The following CX3CL1 variants were observed in gnomAD, a reference collection of about 807,000 sequenced individuals.
CX3CL1 encodes fractalkine.
Under a neutral mutation model 14.1 loss-of-function variants are expected in CX3CL1, and 1 was observed. The observed-to-expected ratio is 0.07, with a 90% CI of 0.03 to 0.34. CX3CL1 has a LOEUF of 0.34. Ranked by LOEUF, CX3CL1 falls within the 10% of genes least tolerant of loss-of-function variation. The pLI is 0.99. For missense variants in CX3CL1, 505 were observed against 536.4 expected, an observed-to-expected ratio of 0.94 and a Z score of 0.58; for synonymous variants, 255 against 229.6, an observed-to-expected ratio of 1.11 and a Z score of -1.00.
At chr16:57,377,072 G>C (rs1357868497) in intron 1 of CX3CL1, 1 of 152,296 alleles carries the variant, frequency 6.6e-6, no homozygotes, top group African/African-American at 2.4e-5. Context: ...GGACTTTGGA[G>C]ACAGGATGAC....
chr16:57,373,525 G>A (rs919461257), intron 1 of CX3CL1, among the ~76,000 whole-genome samples: 1 of 152,210 alleles, frequency 6.6e-6, no homozygotes, highest in Non-Finnish European at 1.5e-5. Flanking sequence ...CCCACCATCT[G>A]GCAGGGTGAC....
intron 1 of CX3CL1, among the ~76,000 whole-genome samples, chr16:57,376,492 G>GGATGGATGGA (rs1567553055): frequency 8.7e-6 from 1 of 114,948 alleles, no homozygotes; most frequent in African/African-American, 3.2e-5. Context: ...GGATGGATGG[G>GGATGGATGGA]TGGATAGATG....
rs143901565 is a variant in CX3CL1, at chr16:57,382,814, G to A, written c.976G>A (p.Val326Ile). 3.8e-4 allele frequency: 610 copies of A among 1,595,518 alleles called. 10 individuals are homozygous for A. The East Asian group carries it at 0.012, about 32-fold the overall frequency. Residue 326 changes from valine to isoleucine, a missense_variant, in exon 3 of 3, where the codon GTC becomes ATC. Physicochemically the swap from Val to Ile is conservative, Grantham distance 29. Coordinates refer to ENST00000006053, the MANE Select transcript of CX3CL1 (RefSeq NM_002996.6). The surrounding 1 kb of genome is among the most constrained non-coding windows in gnomAD (Gnocchi z 6.9). ...CACCATGGACCCCCAGAGGCTGGGC[G>A]TCCTTATCACTCCTGTCCCTGACGC... ...HATMDPQRLGVLITPVPDAQA... is the reference protein window; with the variant it reads ...HATMDPQRLGILITPVPDAQA...
intron 1 of CX3CL1, among the ~76,000 whole-genome samples, chr16:57,375,296 A>G (rs1375965299): frequency 6.6e-6 from 1 of 152,200 alleles, no homozygotes; most frequent in Non-Finnish European, 1.5e-5. Context: ...GGATATCTCT[A>G]GAGCAATGGT....
chr16:57,381,929 G>C lies in CX3CL1; in HGVS notation c.192-101G>C. ...GTGGGAGGACAGGGTTTCCAGCCGGGTGTGTTCACCTGCAGAGTATTGGTG... is the reference window on the plus strand; with the variant it reads ...GTGGGAGGACAGGGTTTCCAGCCGGCTGTGTTCACCTGCAGAGTATTGGTG... On this transcript the variant is annotated intron_variant, in intron 2 of 2. Transcript: ENST00000006053. 2.3e-6 allele frequency: 3 copies of C among 1,306,942 alleles called. No homozygotes were observed. In the African/African-American group the frequency reaches 4.5e-5, roughly 19 times the overall value. The allele number at this position is 1,306,942 out of a possible 1,614,324, so 81.0% of individuals were successfully genotyped here. A position where few individuals can be genotyped will look rare whatever the true frequency, so the allele number is the denominator to read the frequency against.
rs1235101945 is a variant in CX3CL1, at chr16:57,382,579, G to A, written c.741G>A (p.Val247=). The A allele has an allele frequency of 3.1e-6, 5 of 1,613,904 alleles. No homozygotes were observed. In the South Asian group the frequency reaches 5.5e-5, roughly 18 times the overall value. The change falls in exon 3 of 3, where the codon GTG becomes GTA. Residue 247 remains valine (V), a synonymous_variant. Coordinates refer to ENST00000006053, the MANE Select transcript of CX3CL1 (RefSeq NM_002996.6). This position sits in a 1 kb window ranked among gnomAD's most constrained non-coding sequence, Gnocchi z 6.9. ...EENAPSEGQR[V]WGQGQSPRPE... ...ATGCTCCGTCTGAAGGCCAGCGTGT[G>A]TGGGGTCAGGGACAGAGCCCCAGGC...
rs1440608739 is a variant in CX3CL1 at position 57,379,774 on chromosome 16, C to G, written c.191+20C>G. The G allele has an allele frequency of 6.2e-7, 1 of 1,613,748 alleles. No homozygotes were observed. Among genetic ancestry groups the G allele is most frequent in the African/African-American group, 1.3e-5 (1 of 75,042 alleles). On this transcript the variant is annotated intron_variant, in intron 2 of 2. Coordinates refer to ENST00000006053, the MANE Select transcript of CX3CL1 (RefSeq NM_002996.6). The stretch of plus-strand genomic sequence containing the variant: ...AATCATGTAGGTACTGCCCTCGAGG[C>G]CTCTGAAATCCCCTTTGGGCCCTTG...
chr16:57,373,389 A>T (rs753178480), intron 1 of CX3CL1, among the ~76,000 whole-genome samples: 4 of 152,212 alleles, frequency 2.6e-5, no homozygotes, highest in Non-Finnish European at 5.9e-5. Flanking sequence ...ACAGCCAGCA[A>T]GTAGGGCAGG....
rs573397329 is a variant in CX3CL1, at chr16:57,373,463, G to A, written c.70+825G>A. 5.3e-5 allele frequency among the ~76,000 whole-genome samples: 8 copies of A among 152,290 alleles called. No homozygotes were observed. In the South Asian group the frequency reaches 1.7e-3, roughly 32 times the overall value. On this transcript the variant is annotated intron_variant, in intron 1 of 2. Coordinates refer to ENST00000006053, the MANE Select transcript of CX3CL1 (RefSeq NM_002996.6). ...ACAGATGCACACTCACCACCTCTGTGGGCCACATCACCTCCATGAACCGCT... is the reference window on the plus strand; with the variant it reads ...ACAGATGCACACTCACCACCTCTGTAGGCCACATCACCTCCATGAACCGCT...
chr16:57,379,771 A>C lies in CX3CL1; in HGVS notation c.191+17A>C. ...CGCAATCATGTAGGTACTGCCCTCG[A>C]GGCCTCTGAAATCCCCTTTGGGCCC... On this transcript the variant is annotated intron_variant, in intron 2 of 2. Coordinates refer to ENST00000006053, the MANE Select transcript of CX3CL1 (RefSeq NM_002996.6). 1.2e-6 allele frequency: 2 copies of C among 1,614,036 alleles called. No homozygotes were observed. Among genetic ancestry groups the C allele is most frequent in the Non-Finnish European group, 1.7e-6 (2 of 1,179,870 alleles).
Position 57,383,029 on chromosome 16 carries a change from G to A in CX3CL1, c.1191G>A (p.Val397=). The change falls in exon 3 of 3, where the codon GTG becomes GTA. Residue 397 remains valine (V), a synonymous_variant. Transcript: ENST00000006053. Reference sequence around the variant, plus strand: ...GTAATTCATATGTCCTGGTGCCCGTGTGAACTCCTCTGGCCTGTGTCTAGT... The same window carrying A: ...GTAATTCATATGTCCTGGTGCCCGTATGAACTCCTCTGGCCTGTGTCTAGT... ...CGSNSYVLVP[V] The A allele has an allele frequency of 6.7e-7, 1 of 1,485,180 alleles. No individual in the cohort carries two copies. Among genetic ancestry groups the A allele is most frequent in the East Asian group, 2.4e-5 (1 of 42,520 alleles). 92.0% of individuals were successfully genotyped at this position (1,485,180 alleles called of 1,614,324 possible).
intron 2 of CX3CL1, among the ~76,000 whole-genome samples, chr16:57,381,506 G>T (rs912727009): frequency 2.0e-5 from 3 of 152,124 alleles, no homozygotes; most frequent in African/African-American, 7.2e-5. Flanking sequence ...CATAAGGCCT[G>T]TTCCAGAGTG....
chr16:57,380,830 G>A (rs867668191), intron 2 of CX3CL1, among the ~76,000 whole-genome samples: 4 of 152,162 alleles, frequency 2.6e-5, no homozygotes, highest in Non-Finnish European at 4.4e-5. Flanking sequence ...GCCTCAGCCA[G>A]ACCTAGAGGC....
At chr16:57,373,850 C>G (rs1902210488) in intron 1 of CX3CL1, among the ~76,000 whole-genome samples, 1 of 152,110 alleles carries the variant, frequency 6.6e-6, no homozygotes, top group South Asian at 2.1e-4. Context: ...TTAAATATAG[C>G]TATTACCTCT....
chr16:57,381,865 C>T (rs560945531), intron 2 of CX3CL1, among the ~76,000 whole-genome samples, 165 bp from the exon 3 acceptor site: 8 of 152,212 alleles, frequency 5.3e-5, no homozygotes, highest in East Asian at 3.9e-4. Flanking sequence ...CTCAGGAGAG[C>T]GGGTTGCCCC....
chr16:57,376,017 A>G (rs1360399584), intron 1 of CX3CL1, among the ~76,000 whole-genome samples: 1 of 152,198 alleles, frequency 6.6e-6, no homozygotes, highest in Non-Finnish European at 1.5e-5. Context: ...CTGCATCTGT[A>G]AAGTTGGGAT....
Position 57,382,987 on chromosome 16 carries a change from C to T in CX3CL1, c.1149C>T (p.Ile383=), listed in dbSNP as rs528984246. Residue 383 remains isoleucine, a synonymous_variant, in exon 3 of 3, where the codon ATC becomes ATT. Transcript: ENST00000006053. This position sits in a 1 kb window ranked among gnomAD's most constrained non-coding sequence, Gnocchi z 6.9. ...AGEMAEGLRY[I]PRSCGSNSYV... is the part of the protein sequence containing the mutation. ...AGATGGCGGAGGGCCTTCGCTACAT[C>T]CCCCGGAGCTGTGGTAGTAATTCAT... 3.8e-5 allele frequency: 57 copies of T among 1,501,304 alleles called. No homozygotes were observed. In the South Asian group the frequency reaches 5.9e-4, roughly 16 times the overall value. 93.0% of individuals were successfully genotyped at this position (1,501,304 alleles called of 1,614,324 possible).
intron 2 of CX3CL1, among the ~76,000 whole-genome samples, chr16:57,380,021 G>A (rs1038091804): frequency 6.6e-6 from 1 of 152,202 alleles, no homozygotes; most frequent in African/African-American, 2.4e-5. Context: ...CAGCCATGAA[G>A]GGTGGTAATT....
At position 57,382,160 on chromosome 16, in the gene CX3CL1, G is replaced by T. The variant is rs200051975; in HGVS notation, c.322G>T (p.Gly108Cys). Residue 108 changes from glycine (G) to cysteine (C), a missense_variant, in exon 3 of 3, where the codon GGC becomes TGC. Coordinates refer to ENST00000006053, the MANE Select transcript of CX3CL1 (RefSeq NM_002996.6). This position sits in a 1 kb window ranked among gnomAD's most constrained non-coding sequence, Gnocchi z 6.9. The stretch of plus-strand genomic sequence containing the variant: ...TGGCGGCACCTTCGAGAAGCAGATC[G>T]GCGAGGTGAAGCCCAGGACCACCCC... ...RNGGTFEKQI[G>C]EVKPRTTPAA... 10 of 1,613,712 alleles carry T rather than the reference G, an allele frequency of 6.2e-6. No individual in the cohort carries two copies. The highest frequency in any genetic ancestry group is 1.1e-5 in the South Asian group (1 of 91,080).
Sources: allele counts gnomAD v4.1 joint callset (sites outside exome capture counted in the v4.1 genomes callset), GRCh38; gene constraint gnomAD v4.1.1; non-coding constraint Gnocchi (gnomAD v3.1); transcripts MANE v1.5; gene names NCBI Gene and HGNC (gene_info 2026-07-23, HGNC 2026-07-21).